The following REEP1 variants were observed in gnomAD, a reference collection of about 807,000 sequenced individuals.
REEP1 encodes the protein receptor expression-enhancing protein 1.
REEP1 carries 22 observed loss-of-function variants against 40.3 expected under a neutral mutation model. The observed-to-expected ratio is 0.55, with a 90% CI of 0.39 to 0.78. REEP1 has a LOEUF of 0.78. Ranked by LOEUF, REEP1 falls within the 30% of genes least tolerant of loss-of-function variation. The probability of loss-of-function intolerance (pLI) is 0.00; values close to 1 mark genes in which losing one functional copy is unlikely to be tolerated. For synonymous variants in REEP1, 116 were observed against 139.2 expected (o/e 0.83, Z 1.17); for missense variants, 280 against 361.1 (o/e 0.78, Z 1.82).
At chr2:86,327,819 G>A (rs531713413) in intron 1 of REEP1, among the ~76,000 whole-genome samples, 4 of 151,968 alleles carry the variant, frequency 2.6e-5, no homozygotes, top group Non-Finnish European at 5.9e-5. Flanking sequence ...TGCCCGCCTC[G>A]GCCTCCCAAA....
intron 2 of REEP1, chr2:86,279,937 C>A: frequency 2.2e-6 from 1 of 455,896 alleles, no homozygotes; most frequent in South Asian, 1.6e-5. Flanking sequence ...CAATAAAAAA[C>A]TAATATAGGA....
rs576352115 is a variant in REEP1, at chr2:86,232,507, C to T, written c.595+118G>A. 103 of 1,230,430 alleles carry T rather than the reference C, an allele frequency of 8.4e-5. 2 individuals carry two copies. The South Asian group carries it at 1.0e-3, about 13-fold the overall frequency. The allele number at this position is 1,230,430 out of a possible 1,614,324, so 76.2% of individuals were successfully genotyped here. A position where few individuals can be genotyped will look rare whatever the true frequency, so the allele number is the denominator to read the frequency against. On this transcript the variant is annotated intron_variant, in intron 6 of 8. Coordinates refer to ENST00000538924, the MANE Select transcript of REEP1 (RefSeq NM_001371279.1). ...ACCTGGCATGATCTGATGGACACCCCGTTGGTGGCAGGTCCGTGGGGCCAG... is the reference window on the plus strand; with the variant it reads ...ACCTGGCATGATCTGATGGACACCCTGTTGGTGGCAGGTCCGTGGGGCCAG...
At chr2:86,291,746 T>C (rs1051074220) in intron 1 of REEP1, among the ~76,000 whole-genome samples, 1 of 152,100 alleles carries the variant, frequency 6.6e-6, no homozygotes, top group Non-Finnish European at 1.5e-5. Context: ...TCCCTGGCCA[T>C]TCCCCGTTCC....
intron 1 of REEP1, among the ~76,000 whole-genome samples, chr2:86,291,605 A>G (rs966868059): frequency 6.6e-6 from 1 of 151,798 alleles, no homozygotes; most frequent in Non-Finnish European, 1.5e-5. Flanking sequence ...TCTGCACTGT[A>G]CCCCTCCGAG....
At chr2:86,297,149 C>T (rs1308949044) in intron 1 of REEP1, among the ~76,000 whole-genome samples, 1 of 152,198 alleles carries the variant, frequency 6.6e-6, no homozygotes, top group Non-Finnish European at 1.5e-5. Context: ...CCAGAGGCTT[C>T]CCCTGCCCAG....
At chr2:86,333,350 T>C (rs1488925478) in intron 1 of REEP1, among the ~76,000 whole-genome samples, 3 of 152,234 alleles carry the variant, frequency 2.0e-5, no homozygotes, top group Non-Finnish European at 2.9e-5. Context: ...ATCCCAGTCC[T>C]GGAACTTAGC....
chr2:86,244,493 A>G (rs1675827451), intron 5 of REEP1, among the ~76,000 whole-genome samples: 2 of 152,218 alleles, frequency 1.3e-5, no homozygotes, highest in African/African-American at 4.8e-5. Flanking sequence ...GCCGCTGACT[A>G]TAATTGCAGG....
intron 1 of REEP1, among the ~76,000 whole-genome samples, chr2:86,326,056 A>G (rs1304490622): frequency 1.3e-5 from 2 of 152,174 alleles, no homozygotes; most frequent in African/African-American, 4.8e-5. Context: ...ACTTATCCCT[A>G]CAATTTCCAA....
chr2:86,236,817 A>AG (rs1483816407), intron 5 of REEP1, among the ~76,000 whole-genome samples: 4 of 151,632 alleles, frequency 2.6e-5, no homozygotes, highest in African/African-American at 7.3e-5. Context: ...GCTCACTGCA[A>AG]CTCCGCCTCC....
intron 5 of REEP1, among the ~76,000 whole-genome samples, chr2:86,237,679 C>A (rs989671993): frequency 8.6e-5 from 13 of 151,960 alleles, no homozygotes; most frequent in African/African-American, 2.7e-4. Context: ...GCCACCACCA[C>A]GCCCGGCTAA....
At chr2:86,234,148 G>A (rs1232470746) in intron 5 of REEP1, among the ~76,000 whole-genome samples, 1 of 151,860 alleles carries the variant, frequency 6.6e-6, no homozygotes. Flanking sequence ...ATCCAGATAG[G>A]ATCAAGGAGC....
chr2:86,309,105 G>A (rs1679636620), intron 1 of REEP1, among the ~76,000 whole-genome samples: 1 of 152,134 alleles, frequency 6.6e-6, no homozygotes, highest in Non-Finnish European at 1.5e-5. Context: ...TGTCACCTTT[G>A]GCCTAGTTAA....
Position 86,216,829 on chromosome 2 carries a change from T to C in REEP1, c.*210A>G, listed in dbSNP as rs957967328. Reference sequence around the variant, plus strand: ...TAAAGGTCACCACCCCCGCCCCTACTACCTTTCCCTTTAGCCTCTCCCCAG... The same window carrying C: ...TAAAGGTCACCACCCCCGCCCCTACCACCTTTCCCTTTAGCCTCTCCCCAG... On this transcript the variant is annotated 3_prime_UTR_variant, in exon 9 of 9. Transcript: ENST00000538924. 2.3e-6 allele frequency: 1 copy of C among 427,816 alleles called. No homozygotes were observed. Among genetic ancestry groups the C allele is most frequent in the Non-Finnish European group, 4.4e-6 (1 of 227,266 alleles). 26.5% of individuals were successfully genotyped at this position (427,816 alleles called of 1,614,324 possible). A position where few individuals can be genotyped will look rare whatever the true frequency, so the allele number is the denominator to read the frequency against.
In REEP1 at chr2:86,214,554, C is replaced by T. The variant is rs146273697; in HGVS notation, c.*2485G>A. Reference sequence around the variant, plus strand: ...TGTCTGTAAGTCAGCAAATTAAAAACATTCAGTTGTATCCTCTAGACAGAA... The same window carrying T: ...TGTCTGTAAGTCAGCAAATTAAAAATATTCAGTTGTATCCTCTAGACAGAA... On this transcript the variant is annotated 3_prime_UTR_variant, in exon 9 of 9. Transcript: ENST00000538924. 2.4e-3 allele frequency: 366 copies of T among 152,782 alleles called. 3 individuals carry two copies. The highest frequency in any genetic ancestry group is 8.4e-3 in the African/African-American group (349 of 41,588). 9.5% of individuals were successfully genotyped at this position (152,782 alleles called of 1,614,324 possible). A position where few individuals can be genotyped will look rare whatever the true frequency, so the allele number is the denominator to read the frequency against.
chr2:86,265,099 G>A lies in REEP1; in HGVS notation c.106-1058C>T, dbSNP rs975855770. Among the ~76,000 whole-genome samples, 8 of 152,344 alleles carry A rather than the reference G, an allele frequency of 5.3e-5. No individual in the cohort carries two copies. In the South Asian group the frequency reaches 1.7e-3, roughly 32 times the overall value. On this transcript the variant is annotated intron_variant, in intron 2 of 8. Coordinates refer to ENST00000538924, the MANE Select transcript of REEP1 (RefSeq NM_001371279.1). The stretch of plus-strand genomic sequence containing the variant: ...CTCTTCAAAAACTTGGCAGGTCCCT[G>A]AAATGCACAGAAGCAGGTAAGACTC...
chr2:86,266,981 T>C (rs1400700609), intron 2 of REEP1, among the ~76,000 whole-genome samples: 1 of 150,606 alleles, frequency 6.6e-6, no homozygotes, highest in Non-Finnish European at 1.5e-5. Context: ...CACTCCAGCC[T>C]GGGTGACAGA....
intron 1 of REEP1, among the ~76,000 whole-genome samples, chr2:86,316,244 A>T (rs1680001214): frequency 6.6e-6 from 1 of 152,178 alleles, no homozygotes. Context: ...AAACCTAAAA[A>T]ATAATCTAAA....
At chr2:86,228,147 G>A (rs1674815007) in intron 6 of REEP1, among the ~76,000 whole-genome samples, 1 of 152,188 alleles carries the variant, frequency 6.6e-6, no homozygotes, top group Non-Finnish European at 1.5e-5. Flanking sequence ...GAAAGCAACA[G>A]GAAAGAACTC....
At chr2:86,248,128 T>C (rs1024624696) in intron 5 of REEP1, among the ~76,000 whole-genome samples, 37 of 152,214 alleles carry the variant, frequency 2.4e-4, no homozygotes, top group African/African-American at 8.9e-4. Context: ...CCCATCGTTT[T>C]ATCCCAGCCT....
Sources: gnomAD v4.1 joint callset for allele counts (sites outside exome capture counted in the v4.1 genomes callset) on GRCh38, gnomAD v4.1.1 for gene constraint, MANE v1.5 for transcripts, NCBI Gene and HGNC (gene_info 2026-07-23, HGNC 2026-07-21) for gene names.